The following COG5 variants were observed in gnomAD, a reference collection of about 807,000 sequenced individuals.
COG5 encodes the protein conserved oligomeric Golgi complex subunit 5.
COG5 carries 86 observed loss-of-function variants against 110.4 expected under a neutral mutation model. The observed-to-expected ratio is 0.78, with a 90% CI of 0.65 to 0.93. The LOEUF (loss-of-function observed/expected upper bound fraction) is 0.93. Among genes scored for constraint, COG5 ranks in the 40% least tolerant of loss-of-function variants. The pLI is 0.00. For missense variants in COG5, 1,077 were observed against 987.0 expected (o/e 1.09, Z -1.22); for synonymous variants, 360 against 334.6 (o/e 1.08, Z -0.83).
At chr7:107,376,323 T>C (rs1184003981) in intron 7 of COG5, among the ~76,000 whole-genome samples, 2 of 151,966 alleles carry the variant, frequency 1.3e-5, no homozygotes, top group Non-Finnish European at 2.9e-5. Context: ...TTAAAAAAGT[T>C]TTCAGGTATT....
At chr7:107,263,087 G>A (rs758766854) in intron 14 of COG5, among the ~76,000 whole-genome samples, 70 of 152,134 alleles carry the variant, frequency 4.6e-4, no homozygotes, top group Admixed American at 4.6e-4. Flanking sequence ...AGAACAAAAC[G>A]CTAGTGAAGC....
rs138616883 is a variant in COG5, at chr7:107,547,875, T to C, written c.417+236A>G. 2.2e-3 allele frequency: 1,053 copies of C among 478,884 alleles called. 2 individuals carry two copies. Among genetic ancestry groups the C allele is most frequent in the Middle Eastern group, 0.018 (31 of 1,768 alleles). The allele number at this position is 478,884 out of a possible 1,614,324, so 29.7% of individuals were successfully genotyped here. A position where few individuals can be genotyped will look rare whatever the true frequency, so the allele number is the denominator to read the frequency against. On this transcript the variant is annotated intron_variant, in intron 5 of 21. Transcript: ENST00000297135. Reference sequence around the variant, plus strand: ...AGCTATAAAACATTGATGAAAGAAATTGAAGAAGATATAAGTTAATAAACA... The same window carrying C: ...AGCTATAAAACATTGATGAAAGAAACTGAAGAAGATATAAGTTAATAAACA...
At chr7:107,277,615 T>C (rs2116767621) in intron 14 of COG5, among the ~76,000 whole-genome samples, 1 of 152,336 alleles carries the variant, frequency 6.6e-6, no homozygotes, top group African/African-American at 2.4e-5. Flanking sequence ...TTTGTAGTGG[T>C]GGACAGTAAT....
chr7:107,321,934 C>G (rs1460822359), intron 11 of COG5, among the ~76,000 whole-genome samples: 1 of 152,138 alleles, frequency 6.6e-6, no homozygotes, highest in Non-Finnish European at 1.5e-5. Flanking sequence ...AAGCCACATT[C>G]TAGGGGAAAA....
chr7:107,365,966 A>G (rs941839652), intron 8 of COG5, among the ~76,000 whole-genome samples: 2 of 152,130 alleles, frequency 1.3e-5, no homozygotes, highest in South Asian at 2.1e-4. Context: ...GCACTTTTCA[A>G]TGATGAATAA....
At chr7:107,518,085 A>T (rs575366931) in intron 6 of COG5, among the ~76,000 whole-genome samples, 13 of 152,300 alleles carry the variant, frequency 8.5e-5, no homozygotes, top group African/African-American at 3.1e-4. Flanking sequence ...AAGAAAGGAA[A>T]TCCTTTCTAG....
intron 6 of COG5, among the ~76,000 whole-genome samples, chr7:107,457,563 G>A (rs971424021): frequency 2.6e-5 from 4 of 151,908 alleles, no homozygotes; most frequent in African/African-American, 9.7e-5. Context: ...CAAGTAGCTG[G>A]GACTACAGGT....
At chr7:107,266,750 G>A (rs748688295) in intron 14 of COG5, among the ~76,000 whole-genome samples, 8 of 152,030 alleles carry the variant, frequency 5.3e-5, no homozygotes, top group Non-Finnish European at 1.0e-4. Flanking sequence ...TGTTAAAGCC[G>A]GGAGACTTTC....
chr7:107,420,999 G>A (rs999404008), intron 6 of COG5, among the ~76,000 whole-genome samples: 12 of 152,132 alleles, frequency 7.9e-5, no homozygotes, highest in Admixed American at 7.9e-4. Context: ...TATTAAAAAT[G>A]AGAATTAGTT....
At chr7:107,522,326 G>A (rs937359499) in intron 6 of COG5, among the ~76,000 whole-genome samples, 2 of 152,200 alleles carry the variant, frequency 1.3e-5, no homozygotes, top group African/African-American at 4.8e-5. Flanking sequence ...AAATTAGCCA[G>A]GCGTGGTGGT....
chr7:107,341,978 T>C (rs751312573), intron 10 of COG5, among the ~76,000 whole-genome samples: 3 of 152,012 alleles, frequency 2.0e-5, no homozygotes, highest in Non-Finnish European at 2.9e-5. Flanking sequence ...TGGGAAAAAA[T>C]TTATGACAAA....
intron 10 of COG5, among the ~76,000 whole-genome samples, chr7:107,343,685 CA>C (rs2129037416): frequency 6.6e-6 from 1 of 151,710 alleles, no homozygotes; most frequent in Non-Finnish European, 1.5e-5. Context: ...TGTCTCAAAA[CA>C]AAAAACAAAA....
At chr7:107,228,643 T>C (rs1231191049) in intron 19 of COG5, among the ~76,000 whole-genome samples, 2 of 152,168 alleles carry the variant, frequency 1.3e-5, no homozygotes, top group Admixed American at 6.5e-5. Flanking sequence ...TTAAAAAGAT[T>C]TGAGCTGATA....
intron 16 of COG5, 62 bp downstream of exon 16, chr7:107,256,670 C>A: frequency 8.9e-7 from 1 of 1,123,116 alleles, no homozygotes; most frequent in East Asian, 2.4e-5. Flanking sequence ...ATTGCCCACT[C>A]AGCAAAACAA....
At chr7:107,215,952 AC>A (rs1799500711) in intron 19 of COG5, among the ~76,000 whole-genome samples, 1 of 151,922 alleles carries the variant, frequency 6.6e-6, no homozygotes, top group African/African-American at 2.4e-5. Context: ...CTTGTGATCC[AC>A]CCACCTCGGC....
At position 107,298,313 on chromosome 7, in the gene COG5, TCTC is replaced by T; in HGVS notation, c.1139_1141del (p.Gly380del). The stretch of plus-strand genomic sequence containing the variant: ...ATAAAGACGTAATAATTTAGGGTAT[TCTC>T]CTTCAAATGCCTGCTTCAAAAACAT... On this transcript the variant is annotated inframe_deletion, in exon 12 of 22. Transcript: ENST00000297135. The T allele has an allele frequency of 1.2e-6, 2 of 1,613,568 alleles. No homozygotes were observed. Among genetic ancestry groups the T allele is most frequent in the South Asian group, 1.1e-5 (1 of 91,048 alleles).
chr7:107,243,252 G>A (rs560902860), intron 17 of COG5, among the ~76,000 whole-genome samples: 1 of 152,094 alleles, frequency 6.6e-6, no homozygotes, highest in Non-Finnish European at 1.5e-5. Context: ...GGTGGCTCAC[G>A]CCTGTAGTCC....
At chr7:107,378,398 A>C (rs947335998) in intron 7 of COG5, among the ~76,000 whole-genome samples, 1 of 152,306 alleles carries the variant, frequency 6.6e-6, no homozygotes, top group African/African-American at 2.4e-5. Flanking sequence ...GCCAGCAACG[A>C]AACAAAACTG....
intron 7 of COG5, among the ~76,000 whole-genome samples, chr7:107,382,250 C>G (rs1815189977): frequency 6.6e-6 from 1 of 152,054 alleles, no homozygotes; most frequent in Non-Finnish European, 1.5e-5. Flanking sequence ...AGAGGCTCAC[C>G]CAAATCACAG....
Sources: gnomAD v4.1 joint callset for allele counts (sites outside exome capture counted in the v4.1 genomes callset) on GRCh38, gnomAD v4.1.1 for gene constraint, MANE v1.5 for transcripts, NCBI Gene and HGNC (gene_info 2026-07-23, HGNC 2026-07-21) for gene names.